The following FRAS1 variants were observed in gnomAD, a reference collection of about 807,000 sequenced individuals.
The protein encoded by FRAS1 is extracellular matrix organizing protein FRAS1.
In FRAS1, 290 loss-of-function variants were observed where a neutral mutation model predicts 435.2. That is an observed-to-expected ratio of 0.67 (90% CI 0.61 to 0.73). The LOEUF is 0.73. Among genes scored for constraint, FRAS1 ranks in the 30% least tolerant of loss-of-function variants. FRAS1 has a pLI of 0.00. For synonymous variants in FRAS1, 1,800 were observed against 1,851.0 expected (o/e 0.97, Z 0.71); for missense variants, 4,860 against 5,001.5 (o/e 0.97, Z 0.85).
chr4:78,378,368 A>G (rs1731865996), intron 26 of FRAS1, among the ~76,000 whole-genome samples: 1 of 152,166 alleles, frequency 6.6e-6, no homozygotes, highest in Non-Finnish European at 1.5e-5. Flanking sequence ...GACTATTATG[A>G]GTAATGCTGC....
rs1728885557 is a variant in FRAS1 at position 78,308,538 on chromosome 4, C to G, written c.1678+329C>G. Among the ~76,000 whole-genome samples, 4 of 152,212 alleles carry G rather than the reference C, an allele frequency of 2.6e-5. No homozygotes were observed. The South Asian group carries it at 8.3e-4, about 32-fold the overall frequency. On this transcript the variant is annotated intron_variant, in intron 15 of 73. Transcript: ENST00000512123. ...ACCCAGGCTTTCCTTTCCCCAGATCCCAAACTCTCTACCAACACCAGACTG... is the reference window on the plus strand; with the variant it reads ...ACCCAGGCTTTCCTTTCCCCAGATCGCAAACTCTCTACCAACACCAGACTG...
At chr4:78,114,776 A>G (rs554549591) in intron 2 of FRAS1, among the ~76,000 whole-genome samples, 1 of 152,394 alleles carries the variant, frequency 6.6e-6, no homozygotes, top group Admixed American at 6.5e-5. Flanking sequence ...ATCTGCAAAC[A>G]GGGACAATGT....
chr4:78,316,292 C>G (rs1219456377), intron 16 of FRAS1, among the ~76,000 whole-genome samples: 3 of 152,198 alleles, frequency 2.0e-5, no homozygotes, highest in Non-Finnish European at 2.9e-5. Context: ...TGACTTGTGT[C>G]TTTCCTCACA....
At chr4:78,497,899 A>T (rs1720551947) in intron 60 of FRAS1, among the ~76,000 whole-genome samples, 1 of 152,212 alleles carries the variant, frequency 6.6e-6, no homozygotes, top group Non-Finnish European at 1.5e-5. Flanking sequence ...TCAAGTTCAG[A>T]TCCCAAAGTG....
At chr4:78,141,094 G>A (rs999866482) in intron 2 of FRAS1, among the ~76,000 whole-genome samples, 4 of 152,024 alleles carry the variant, frequency 2.6e-5, no homozygotes, top group Non-Finnish European at 5.9e-5. Flanking sequence ...TGTGCAGAAT[G>A]TGCAGGTTTG....
At chr4:78,342,496 GAC>G (rs1730431974) in intron 20 of FRAS1, among the ~76,000 whole-genome samples, 1 of 152,160 alleles carries the variant, frequency 6.6e-6, no homozygotes, top group Non-Finnish European at 1.5e-5. Flanking sequence ...AATTGCGGGA[GAC>G]ACAGTTACTT....
chr4:78,402,452 A>G (rs986452597), intron 30 of FRAS1, among the ~76,000 whole-genome samples: 1 of 152,190 alleles, frequency 6.6e-6, no homozygotes. Flanking sequence ...TATTATGGCT[A>G]TGTAACCTTG....
At chr4:78,253,886 T>C (rs1725664913) in intron 5 of FRAS1, among the ~76,000 whole-genome samples, 3 of 74,250 alleles carry the variant, frequency 4.0e-5, no homozygotes, top group Non-Finnish European at 1.0e-4. Flanking sequence ...CAGTTCTCTG[T>C]CTGTGTAGTA....
intron 5 of FRAS1, 116 bp from the exon 6 acceptor site, chr4:78,255,126 A>T: frequency 6.6e-6 from 6 of 914,062 alleles, no homozygotes; most frequent in Non-Finnish European, 1.0e-5. Context: ...CAAATGCAGG[A>T]CCTCCTTCTG....
chr4:78,518,287 G>T (rs1721271488), intron 66 of FRAS1, among the ~76,000 whole-genome samples: 1 of 150,934 alleles, frequency 6.6e-6, no homozygotes, highest in African/African-American at 2.4e-5. Flanking sequence ...TAAAACATTT[G>T]GTTTTTTCCT....
At chr4:78,165,069 T>C (rs974572879) in intron 2 of FRAS1, among the ~76,000 whole-genome samples, 1 of 152,210 alleles carries the variant, frequency 6.6e-6, no homozygotes, top group African/African-American at 2.4e-5. Flanking sequence ...CAAATGAGCA[T>C]GAATTATGCT....
At chr4:78,375,965 G>T in intron 26 of FRAS1, 86 bp downstream of exon 26, 1 of 1,467,122 alleles carries the variant, frequency 6.8e-7, no homozygotes, top group South Asian at 1.2e-5. Context: ...ATTGACTTAT[G>T]TGATATAAAA....
At chr4:78,377,776 A>G (rs532872550) in intron 26 of FRAS1, among the ~76,000 whole-genome samples, 1 of 152,302 alleles carries the variant, frequency 6.6e-6, no homozygotes, top group East Asian at 1.9e-4. Flanking sequence ...TGGTTCTCAA[A>G]GCCAGCAGCC....
chr4:78,161,891 A>G (rs1049870084), intron 2 of FRAS1, among the ~76,000 whole-genome samples: 1 of 152,042 alleles, frequency 6.6e-6, no homozygotes, highest in African/African-American at 2.4e-5. Context: ...ACCTTGTAGC[A>G]TAAGGCAAAG....
intron 29 of FRAS1, among the ~76,000 whole-genome samples, chr4:78,396,588 C>T (rs895972966): frequency 2.0e-5 from 3 of 152,210 alleles, no homozygotes; most frequent in Admixed American, 6.5e-5. Flanking sequence ...TTCTGCTGAG[C>T]AATCCACTGA....
At chr4:78,194,688 G>A (rs1199231650) in intron 2 of FRAS1, among the ~76,000 whole-genome samples, 1 of 151,932 alleles carries the variant, frequency 6.6e-6, no homozygotes, top group Non-Finnish European at 1.5e-5. Context: ...TTTTTTTCAA[G>A]GTTTTTAACT....
At chr4:78,236,304 A>ATTT (rs200161372) in intron 2 of FRAS1, among the ~76,000 whole-genome samples, 134 of 146,722 alleles carry the variant, frequency 9.1e-4, no homozygotes, top group African/African-American at 2.7e-3. Flanking sequence ...TTATTTATTT[A>ATTT]TTTATTTTTT....
intron 2 of FRAS1, among the ~76,000 whole-genome samples, chr4:78,219,066 T>C (rs1467777355): frequency 2.0e-5 from 3 of 152,210 alleles, no homozygotes; most frequent in African/African-American, 7.2e-5. Context: ...CTATGGTAAT[T>C]ACATTCTTTT....
Position 78,282,948 on chromosome 4 carries a change from C to G in FRAS1, c.1236C>G (p.Cys412Trp). 1 of 1,563,248 alleles carries G rather than the reference C, an allele frequency of 6.4e-7. No homozygotes were observed. Among genetic ancestry groups the G allele is most frequent in the Non-Finnish European group, 8.6e-7 (1 of 1,158,268 alleles). The change falls in exon 12 of 74, where the codon TGC (cysteine) becomes TGG (tryptophan). Residue 412 changes from cysteine to tryptophan, a missense_variant. Cys to Trp is a radical substitution (Grantham distance 215). Coordinates refer to ENST00000512123, the MANE Select transcript of FRAS1 (RefSeq NM_025074.7). ...GTLALEVKGQ[C>W]CPDCTSVHCH... ...TGGCCTTAGAGGTGAAGGGACAGTG[C>G]TGTCCAGACTGCACATCAGGTGGGT...
Sources: gnomAD v4.1 joint callset for allele counts (sites outside exome capture counted in the v4.1 genomes callset) on GRCh38, gnomAD v4.1.1 for gene constraint, MANE v1.5 for transcripts, NCBI Gene and HGNC (gene_info 2026-07-23, HGNC 2026-07-21) for gene names.